The following THSD7B variants were observed in gnomAD, a reference collection of about 807,000 sequenced individuals.
The protein encoded by THSD7B is thrombospondin type 1 domain containing 7B, also known as thrombospondin type-1 domain-containing protein 7B.
In THSD7B, 138 loss-of-function variants were observed where a neutral mutation model predicts 213.6. The observed-to-expected ratio is 0.65, with a 90% CI of 0.56 to 0.74. The LOEUF (loss-of-function observed/expected upper bound fraction) is 0.74, where lower values mean the gene tolerates loss of function less well. Ranked by LOEUF, THSD7B falls within the 30% of genes least tolerant of loss-of-function variation. The probability of loss-of-function intolerance (pLI) is 0.00; values close to 1 mark genes in which losing one functional copy is unlikely to be tolerated. For missense variants in THSD7B, 1,931 were observed against 1,991.5 expected (o/e 0.97, Z 0.58); for synonymous variants, 742 against 687.0 (o/e 1.08, Z -1.25).
In THSD7B at chr2:137,500,252, T is replaced by G. The variant is rs189371590; in HGVS notation, c.3138+49229T>G. On this transcript the variant is annotated intron_variant, in intron 15 of 27. Coordinates refer to ENST00000409968, the MANE Select transcript of THSD7B (RefSeq NM_001316349.2). ...TCTGAGTGCATAAGATTAAATGATA[T>G]TGTAACAACTCAAGCTAAGTATAGA... Among the ~76,000 whole-genome samples the G allele has an allele frequency of 2.2e-3, 332 of 152,320 alleles. 1 individual carries two copies. The highest frequency in any genetic ancestry group is 4.0e-3 in the Non-Finnish European group (270 of 68,024).
intron 15 of THSD7B, among the ~76,000 whole-genome samples, chr2:137,511,226 T>C (rs7560352): frequency 0.17 from 25,325 of 152,194 alleles, 2,239 homozygotes; most frequent in South Asian, 0.28. Context: ...CTTGAATGTA[T>C]TTTTCTTAAA....
intron 10 of THSD7B, among the ~76,000 whole-genome samples, chr2:137,261,257 GA>G (rs5834543): frequency 6.6e-6 from 1 of 151,834 alleles, no homozygotes; most frequent in Non-Finnish European, 1.5e-5. Context: ...GAGTGGGGTG[GA>G]AAAAACTTCT....
At position 137,567,373 on chromosome 2, in the gene THSD7B, G is replaced by A. The variant is rs1444430917; in HGVS notation, c.3272+4019G>A. Among the ~76,000 whole-genome samples, 4 of 151,864 alleles carry A rather than the reference G, an allele frequency of 2.6e-5. No individual in the cohort carries two copies. The East Asian group carries it at 5.8e-4, about 22-fold the overall frequency. On this transcript the variant is annotated intron_variant, in intron 16 of 27. Transcript: ENST00000409968. ...TAGTAAAGAGAGTTTCACCACGTTG[G>A]CCAGGCTGGTTTTGAACTCTTGTCC...
chr2:136,977,060 A>G (rs1328171459), intron 2 of THSD7B, among the ~76,000 whole-genome samples: 2 of 152,028 alleles, frequency 1.3e-5, no homozygotes, highest in Non-Finnish European at 2.9e-5. Flanking sequence ...TCCTCTTTGT[A>G]TCTCTTATAG....
intron 7 of THSD7B, among the ~76,000 whole-genome samples, chr2:137,219,649 T>C (rs2105043006): frequency 6.6e-6 from 1 of 152,288 alleles, no homozygotes; most frequent in East Asian, 1.9e-4. Context: ...TAAAAACTAG[T>C]AGGAGCAAAT....
At position 137,231,212 on chromosome 2, in the gene THSD7B, C is replaced by T; in HGVS notation, c.1892C>T (p.Thr631Ile). The change falls in exon 8 of 28, where the codon ACT (threonine) becomes ATT (isoleucine). Residue 631 changes from threonine to isoleucine, a missense_variant. Coordinates refer to ENST00000409968, the MANE Select transcript of THSD7B (RefSeq NM_001316349.2). The stretch of plus-strand genomic sequence containing the variant: ...GATGGGAAACAGACCAGGTCAAGAA[C>T]TATCCTGGCACTGGCTGGGGAAGGT... ...NSDGKQTRSR[T>I]ILALAGEGGK... The T allele has an allele frequency of 6.2e-7, 1 of 1,611,712 alleles. No individual in the cohort carries two copies. Among genetic ancestry groups the T allele is most frequent in the Admixed American group, 1.7e-5 (1 of 59,634 alleles).
intron 12 of THSD7B, among the ~76,000 whole-genome samples, chr2:137,401,083 A>G (rs1686345122): frequency 6.6e-6 from 1 of 152,210 alleles, no homozygotes; most frequent in Non-Finnish European, 1.5e-5. Context: ...CTATAGTTTT[A>G]TCTGTAGATT....
At chr2:137,332,632 T>C (rs745540611) in intron 12 of THSD7B, among the ~76,000 whole-genome samples, 6 of 152,186 alleles carry the variant, frequency 3.9e-5, no homozygotes, top group Non-Finnish European at 7.3e-5. Context: ...ATGTTTTGGC[T>C]GTGTTTCCAC....
chr2:136,930,099 C>T (rs979260141), intron 2 of THSD7B, among the ~76,000 whole-genome samples: 2 of 152,260 alleles, frequency 1.3e-5, no homozygotes, highest in Middle Eastern at 3.4e-3. Flanking sequence ...AAAAGCACAT[C>T]TCTGCTCTGC....
rs1220357821 is a variant in THSD7B, at chr2:137,676,747, C to T, written c.*142C>T. ...AAATATTGCAAAAGTAATATTGCCT[C>T]AACTTCATTTGGACATGGAGTCAAG... On this transcript the variant is annotated 3_prime_UTR_variant, in exon 28 of 28. Transcript: ENST00000409968. 3 of 648,276 alleles carry T rather than the reference C, an allele frequency of 4.6e-6. No homozygotes were observed. The highest frequency in any genetic ancestry group is 7.1e-6 in the Non-Finnish European group (3 of 425,040). The allele number at this position is 648,276 out of a possible 1,614,324, so 40.2% of individuals were successfully genotyped here. A position where few individuals can be genotyped will look rare whatever the true frequency, so the allele number is the denominator to read the frequency against.
chr2:137,391,991 C>T (rs1686039071), intron 12 of THSD7B, among the ~76,000 whole-genome samples: 1 of 152,132 alleles, frequency 6.6e-6, no homozygotes, highest in Admixed American at 6.6e-5. Flanking sequence ...ATCTTAATTT[C>T]TTCCTTGACT....
At chr2:137,549,411 A>T (rs9287475) in intron 15 of THSD7B, among the ~76,000 whole-genome samples, 4 of 147,448 alleles carry the variant, frequency 2.7e-5, no homozygotes, top group African/African-American at 5.1e-5. Flanking sequence ...TCACTCACTC[A>T]ATCTATCTAC....
intron 1 of THSD7B, among the ~76,000 whole-genome samples, chr2:136,806,773 C>T (rs956998778): frequency 1.3e-5 from 2 of 152,070 alleles, no homozygotes; most frequent in Non-Finnish European, 2.9e-5. Context: ...TTCTAGTGTC[C>T]TTTCTCTGTT....
chr2:136,962,823 T>C (rs1345843880), intron 2 of THSD7B, among the ~76,000 whole-genome samples: 2 of 152,224 alleles, frequency 1.3e-5, no homozygotes, highest in African/African-American at 4.8e-5. Context: ...ACTTTTCTTA[T>C]AGGAATTAGA....
At chr2:137,206,491 T>A (rs1680986652) in intron 7 of THSD7B, among the ~76,000 whole-genome samples, 1 of 152,020 alleles carries the variant, frequency 6.6e-6, no homozygotes, top group African/African-American at 2.4e-5. Context: ...AGAGTTACAT[T>A]ATCAGGGGGT....
chr2:137,624,888 G>A (rs996255774), intron 20 of THSD7B, among the ~76,000 whole-genome samples: 13 of 152,122 alleles, frequency 8.5e-5, no homozygotes, highest in African/African-American at 3.1e-4. Context: ...GACTGTAAAC[G>A]AGTTCAACCA....
chr2:136,976,065 A>T (rs1373222850), intron 2 of THSD7B, among the ~76,000 whole-genome samples: 4 of 152,202 alleles, frequency 2.6e-5, no homozygotes, highest in Admixed American at 2.6e-4. Context: ...GAAGGTGCTT[A>T]TCAGCTAAAG....
At chr2:136,790,119 T>TTG (rs34366029) in intron 1 of THSD7B, among the ~76,000 whole-genome samples, 22,886 of 148,036 alleles carry the variant, frequency 0.15, 2,369 homozygotes, top group Non-Finnish European at 0.23. Flanking sequence ...GTGTGTGTGT[T>TTG]TGTGTGTGTG....
At chr2:137,610,837 T>C (rs189673617) in intron 17 of THSD7B, among the ~76,000 whole-genome samples, 11 of 152,094 alleles carry the variant, frequency 7.2e-5, no homozygotes, top group Middle Eastern at 3.4e-3. Flanking sequence ...ATAATTGTAT[T>C]GTTCTGAAAT....
Sources: gnomAD v4.1 joint callset for allele counts (sites outside exome capture counted in the v4.1 genomes callset) on GRCh38, gnomAD v4.1.1 for gene constraint, MANE v1.5 for transcripts, NCBI Gene and HGNC (gene_info 2026-07-23, HGNC 2026-07-21) for gene names.